The following ANKRD26 variants were observed in gnomAD, a reference collection of about 807,000 sequenced individuals.
ANKRD26 encodes the protein ankyrin repeat domain 26, also known as ankyrin repeat domain-containing protein 26.
ANKRD26 carries 141 observed loss-of-function variants against 208.7 expected under a neutral mutation model. That is an observed-to-expected ratio of 0.68 (90% CI 0.59 to 0.78). ANKRD26 has a LOEUF of 0.78. Ranked by LOEUF, ANKRD26 falls within the 30% of genes least tolerant of loss-of-function variation. The pLI is 0.00. For synonymous variants in ANKRD26, 636 were observed against 660.4 expected (o/e 0.96, Z 0.57); for missense variants, 1,889 against 1,938.7 (o/e 0.97, Z 0.48).
At chr10:27,020,073 A>G (rs2053435413) in intron 29 of ANKRD26, among the ~76,000 whole-genome samples, 1 of 152,224 alleles carries the variant, frequency 6.6e-6, no homozygotes, top group African/African-American at 2.4e-5. Flanking sequence ...TGCCGAAGTC[A>G]CATGTTGTCA....
In ANKRD26 at chr10:27,067,229, T is replaced by A; in HGVS notation, c.1135A>T (p.Ser379Cys). ...KKENGIDIIE[S>C]APLEQTNNDN... ...TTATTTGTTTGCTCTAGTGGAGCACTTTCAATAATATCAATACCATTTTCT... is the reference window on the plus strand; with the variant it reads ...TTATTTGTTTGCTCTAGTGGAGCACATTCAATAATATCAATACCATTTTCT... The change falls in exon 10 of 34, where the codon AGT becomes TGT. Residue 379 changes from serine to cysteine, a missense_variant. Transcript: ENST00000376087. The A allele has an allele frequency of 6.2e-7, 1 of 1,613,652 alleles. No individual in the cohort carries two copies. The highest frequency in any genetic ancestry group is 8.5e-7 in the Non-Finnish European group (1 of 1,179,700).
intron 29 of ANKRD26, among the ~76,000 whole-genome samples, chr10:27,018,235 T>C (rs1412886146): frequency 1.3e-5 from 2 of 150,602 alleles, no homozygotes; most frequent in East Asian, 2.0e-4. Flanking sequence ...CCCGGGTTCA[T>C]GCCATTCTCC....
Position 27,022,621 on chromosome 10 carries a change from G to A in ANKRD26, c.4152C>T (p.Phe1384=). The A allele has an allele frequency of 6.4e-7, 1 of 1,567,482 alleles. No individual in the cohort carries two copies. Among genetic ancestry groups the A allele is most frequent in the Non-Finnish European group, 8.8e-7 (1 of 1,142,680 alleles). The part of the protein sequence containing the change: ...LNEYENGEFS[F]HGDLKTSQFE... ...ATTGACTAGTTTTTAAATCTCCATG[G>A]AAACTAAATTCTCCATTTTCATATT... Residue 1384 remains phenylalanine (F), a synonymous_variant, in exon 29 of 34, where the codon TTC becomes TTT. Transcript: ENST00000376087.
the ANKRD26 span, among the ~76,000 whole-genome samples, chr10:26,963,148 T>C: frequency 1.3e-5 from 2 of 152,214 alleles, no homozygotes; most frequent in Non-Finnish European, 2.9e-5. Context: ...GGTTCTTTAC[T>C]CCAACGGCCA....
At chr10:26,965,175 T>C in the ANKRD26 span, among the ~76,000 whole-genome samples, 1 of 152,120 alleles carries the variant, frequency 6.6e-6, no homozygotes, top group Admixed American at 6.6e-5. Flanking sequence ...CATTGCCAAG[T>C]CAATCCTAAG....
chr10:27,086,436 A>T, intron 5 of ANKRD26, 103 bp downstream of exon 5: 2 of 1,465,550 alleles, frequency 1.4e-6, no homozygotes, highest in Non-Finnish European at 9.3e-7. Flanking sequence ...TGCACCTTAT[A>T]CACTGATTTT....
chr10:27,025,429 T>C (rs990480863), intron 27 of ANKRD26, among the ~76,000 whole-genome samples: 2 of 152,110 alleles, frequency 1.3e-5, no homozygotes, highest in Non-Finnish European at 2.9e-5. Flanking sequence ...CTCAGCCTCC[T>C]AAAGCACTGG....
the ANKRD26 span, among the ~76,000 whole-genome samples, chr10:26,963,902 G>GTTTTTTTTTTTTTT: frequency 1.5e-5 from 1 of 66,974 alleles, no homozygotes; most frequent in Non-Finnish European, 3.0e-5. Flanking sequence ...ATGGTTGGTT[G>GTTTTTTTTTTTTTT]GTTTTTTTTT....
the ANKRD26 span, among the ~76,000 whole-genome samples, chr10:26,960,721 A>C: frequency 6.6e-6 from 1 of 152,186 alleles, no homozygotes; most frequent in Admixed American, 6.5e-5. Context: ...TATAAATACT[A>C]TCCTATATTT....
intron 9 of ANKRD26, among the ~76,000 whole-genome samples, chr10:27,074,868 A>C (rs2055640548): frequency 6.6e-6 from 1 of 152,156 alleles, no homozygotes; most frequent in Non-Finnish European, 1.5e-5. Flanking sequence ...AAAACCTATC[A>C]GACTAACAGC....
At chr10:27,031,983 A>G (rs185926003) in intron 25 of ANKRD26, among the ~76,000 whole-genome samples, 102 of 152,332 alleles carry the variant, frequency 6.7e-4, no homozygotes, top group African/African-American at 2.3e-3. Flanking sequence ...CACAAAAGTG[A>G]AAATAAGAAA....
chr10:27,051,769 G>C (rs1364136457), intron 16 of ANKRD26: 1 of 985,188 alleles, frequency 1.0e-6, no homozygotes, highest in African/African-American at 1.7e-5. Flanking sequence ...TCGCAATCAA[G>C]TATATTATTT....
At chr10:27,009,572 C>T (rs546687387) in intron 32 of ANKRD26, among the ~76,000 whole-genome samples, 1 of 152,114 alleles carries the variant, frequency 6.6e-6, no homozygotes, top group African/African-American at 2.4e-5. Context: ...AATAACTGTC[C>T]TATTGAGGTA....
intron 16 of ANKRD26, among the ~76,000 whole-genome samples, chr10:27,050,712 TAAGAA>T (rs2135365863): frequency 6.6e-6 from 1 of 152,266 alleles, no homozygotes; most frequent in East Asian, 1.9e-4. Flanking sequence ...AATTCATCTT[TAAGAA>T]AATAGGGAAA....
At chr10:27,093,984 G>A (rs1479701588) in intron 1 of ANKRD26, among the ~76,000 whole-genome samples, 185 bp from the exon 2 acceptor site, 1 of 152,170 alleles carries the variant, frequency 6.6e-6, no homozygotes, top group South Asian at 2.1e-4. Flanking sequence ...TACGTGTGGT[G>A]AGGGGGACTC....
chr10:27,018,801 T>C (rs1031742037), intron 29 of ANKRD26, among the ~76,000 whole-genome samples: 1 of 152,118 alleles, frequency 6.6e-6, no homozygotes, highest in African/African-American at 2.4e-5. Flanking sequence ...AGAATGAAAC[T>C]AGACCCCTAT....
At chr10:27,022,822 T>C (rs1360909023) in intron 28 of ANKRD26, 135 bp from the exon 29 acceptor site, 2 of 839,152 alleles carry the variant, frequency 2.4e-6, no homozygotes, top group African/African-American at 1.7e-5. Context: ...CAATCTGACA[T>C]AGTTTGAAAA....
At chr10:27,047,340 G>A in intron 17 of ANKRD26, among the ~76,000 whole-genome samples, 1 of 152,062 alleles carries the variant, frequency 6.6e-6, no homozygotes, top group Non-Finnish European at 1.5e-5. Flanking sequence ...AAAATAATGG[G>A]CTGGTCACGG....
chr10:27,079,595 T>C (rs961422685), intron 6 of ANKRD26, among the ~76,000 whole-genome samples: 2 of 152,206 alleles, frequency 1.3e-5, no homozygotes, highest in African/African-American at 4.8e-5. Context: ...GGCTCGTGCC[T>C]GTAATCCCAG....
Sources: gnomAD v4.1 joint callset for allele counts (sites outside exome capture counted in the v4.1 genomes callset) on GRCh38, gnomAD v4.1.1 for gene constraint, MANE v1.5 for transcripts, NCBI Gene and HGNC (gene_info 2026-07-23, HGNC 2026-07-21) for gene names.